NBR1: variants seen among roughly 807,000 people sequenced by gnomAD.
NBR1 encodes next to BRCA1 gene 1 protein.
Under a neutral mutation model 115.5 loss-of-function variants are expected in NBR1, and 59 were observed. The observed-to-expected ratio is 0.51, with a 90% CI of 0.41 to 0.63. The LOEUF (loss-of-function observed/expected upper bound fraction) is 0.63, where lower values mean the gene tolerates loss of function less well. Among genes scored for constraint, NBR1 ranks in the 30% least tolerant of loss-of-function variants. NBR1 has a pLI of 0.00. For synonymous variants in NBR1, 373 were observed against 414.7 expected, an observed-to-expected ratio of 0.90 and a Z score of 1.22; for missense variants, 1,043 against 1,150.5, an observed-to-expected ratio of 0.91 and a Z score of 1.35.
At chr17:43,186,566 A>G in intron 6 of NBR1, 122 bp downstream of exon 6, 1 of 883,206 alleles carries the variant, frequency 1.1e-6, no homozygotes, top group Middle Eastern at 3.6e-4. Flanking sequence ...CATGTGCAGA[A>G]TGTGCAGGTT....
intron 20 of NBR1, among the ~76,000 whole-genome samples, chr17:43,207,465 C>G (rs2057339209): frequency 6.6e-6 from 1 of 152,120 alleles, no homozygotes; most frequent in African/African-American, 2.4e-5. Context: ...TCAAGCAATC[C>G]TCTCACCTCA....
At chr17:43,202,936 T>C (rs1024723208) in intron 19 of NBR1, among the ~76,000 whole-genome samples, 1 of 152,064 alleles carries the variant, frequency 6.6e-6, no homozygotes, top group Non-Finnish European at 1.5e-5. Flanking sequence ...GGCGGGTGGA[T>C]CATGAGGTCA....
chr17:43,203,647 T>G (rs767475937), intron 19 of NBR1, 34 bp from the exon 20 acceptor site: 13 of 1,333,006 alleles, frequency 9.8e-6, no homozygotes, highest in Non-Finnish European at 1.2e-5. Flanking sequence ...TGATTTGTGT[T>G]TGTTTGGGGA....
In NBR1 at chr17:43,200,258, G is replaced by GGAT. The variant is rs1567863976; in HGVS notation, c.2121_2123dup (p.Asp707dup). On this transcript the variant is annotated inframe_insertion, in exon 17 of 21. Transcript: ENST00000590996. Reference sequence around the variant, plus strand: ...AAGAAGCTGTCATGGAGGAGGAGGAGGATGAGGAGGATGAGGAGGAGGAGG... The same window carrying GGAT: ...AAGAAGCTGTCATGGAGGAGGAGGAGGATGATGAGGAGGATGAGGAGGAGGAGG... 1.7e-5 allele frequency: 26 copies of GGAT among 1,548,056 alleles called. No homozygotes were observed. The Admixed American group carries it at 4.9e-4, about 29-fold the overall frequency.
chr17:43,185,850 A>C (rs1234855651), intron 5 of NBR1, among the ~76,000 whole-genome samples: 1 of 152,092 alleles, frequency 6.6e-6, no homozygotes, highest in East Asian at 1.9e-4. Flanking sequence ...TACAAAAATT[A>C]GCTGGGTGTG....
chr17:43,206,665 A>C (rs1467861246), intron 20 of NBR1, among the ~76,000 whole-genome samples: 1 of 151,572 alleles, frequency 6.6e-6, no homozygotes, highest in African/African-American at 2.4e-5. Context: ...AAAAAAAAAA[A>C]AAGGAAATCC....
At chr17:43,186,176 T>C in intron 5 of NBR1, 74 bp from the exon 6 acceptor site, 8 of 1,310,122 alleles carry the variant, frequency 6.1e-6, no homozygotes, top group South Asian at 5.4e-5. Context: ...CTCTTCTGTT[T>C]TGATGTCTTT....
At chr17:43,171,504 T>C (rs1019853787) in intron 1 of NBR1, among the ~76,000 whole-genome samples, 4 of 151,762 alleles carry the variant, frequency 2.6e-5, no homozygotes, top group African/African-American at 7.3e-5. Flanking sequence ...AGTTGGAGAG[T>C]CTGTGGGTCA....
intron 14 of NBR1, chr17:43,196,177 G>A (rs1274961556): frequency 1.4e-5 from 3 of 219,990 alleles, no homozygotes; most frequent in African/African-American, 7.0e-5. Context: ...CACTATAAAG[G>A]AATCCTCTTC....
In NBR1 at chr17:43,210,222, A is replaced by G. The variant is rs1475802824; in HGVS notation, c.*148A>G. 2 of 637,680 alleles carry G rather than the reference A, an allele frequency of 3.1e-6. No homozygotes were observed. The highest frequency in any genetic ancestry group is 1.9e-5 in the African/African-American group (1 of 52,780). 39.5% of individuals were successfully genotyped at this position (637,680 alleles called of 1,614,324 possible). On this transcript the variant is annotated 3_prime_UTR_variant, in exon 21 of 21. Transcript: ENST00000590996. ...GAGTTACCAAGACAATACCTGCTAC[A>G]GTATTTTGGGGAGCAAACTAAAGAC...
chr17:43,181,618 A>G (rs2056666870), intron 5 of NBR1, among the ~76,000 whole-genome samples: 1 of 152,070 alleles, frequency 6.6e-6, no homozygotes, highest in South Asian at 2.1e-4. Context: ...GTGAGCCGAG[A>G]TCGTGCCACT....
chr17:43,211,445 T>G lies in NBR1; in HGVS notation c.*1371T>G, dbSNP rs2057413980. On this transcript the variant is annotated 3_prime_UTR_variant, in exon 21 of 21. Coordinates refer to ENST00000590996, the MANE Select transcript of NBR1 (RefSeq NM_005899.5). ...TTACAGTATAACTCCTGAATGCTAC[T>G]TAAATAAACCAGGATTCAAACTGCA... 6.6e-6 allele frequency: 1 copy of G among 152,666 alleles called. No individual in the cohort carries two copies. The highest frequency in any genetic ancestry group is 6.5e-5 in the Admixed American group (1 of 15,290). 9.5% of individuals were successfully genotyped at this position (152,666 alleles called of 1,614,324 possible).
chr17:43,185,030 A>G (rs2056766576), intron 5 of NBR1, among the ~76,000 whole-genome samples: 1 of 151,468 alleles, frequency 6.6e-6, no homozygotes, highest in African/African-American at 2.4e-5. Flanking sequence ...TGGAGTTTGC[A>G]GTGAGCCGAG....
chr17:43,202,171 C>T (rs1359982286), intron 18 of NBR1, among the ~76,000 whole-genome samples: 2 of 112,328 alleles, frequency 1.8e-5, no homozygotes, highest in African/African-American at 2.9e-5. Flanking sequence ...CAGTGCGAGA[C>T]TCCGTCTGAA....
At chr17:43,198,875 A>G (rs999584817) in intron 16 of NBR1, among the ~76,000 whole-genome samples, 4 of 152,024 alleles carry the variant, frequency 2.6e-5, no homozygotes, top group Non-Finnish European at 4.4e-5. Flanking sequence ...AGGCAGGAGA[A>G]TGGCGTGAAC....
At chr17:43,185,745 T>G (rs983023600) in intron 5 of NBR1, among the ~76,000 whole-genome samples, 5 of 151,880 alleles carry the variant, frequency 3.3e-5, no homozygotes, top group Non-Finnish European at 7.4e-5. Context: ...GCCTGTAATC[T>G]CAGCACTTTG....
Position 43,193,181 on chromosome 17 carries a change from G to A in NBR1, c.1161G>A (p.Gln387=). 6 of 1,613,950 alleles carry A rather than the reference G, an allele frequency of 3.7e-6. No individual in the cohort carries two copies. Among genetic ancestry groups the A allele is most frequent in the Non-Finnish European group, 5.1e-6 (6 of 1,179,888 alleles). ...DENLPDGTHL[Q]PGTKFIKHWR... is the part of the protein sequence containing the mutation. ...ATTTGCCTGATGGGACTCACCTTCA[G>A]CCAGGAACCAAGTTTATCAAACACT... Residue 387 remains glutamine (Q), a synonymous_variant, in exon 11 of 21, where the codon CAG becomes CAA. Coordinates refer to ENST00000590996, the MANE Select transcript of NBR1 (RefSeq NM_005899.5).
At position 43,200,313 on chromosome 17, in the gene NBR1, T is replaced by G; in HGVS notation, c.2173T>G (p.Ser725Ala). ...GCTCAAAGATGAAGTTCAAAGTCAG[T>G]CCTCTGCTTCCTCAGAGGATTACAT... ...DELKDEVQSQ[S>A]SASSEDYIII... Residue 725 changes from serine to alanine, a missense_variant, in exon 17 of 21, where the codon TCC (serine) becomes GCC (alanine). Coordinates refer to ENST00000590996, the MANE Select transcript of NBR1 (RefSeq NM_005899.5). The G allele has an allele frequency of 1.3e-6, 2 of 1,552,200 alleles. No individual in the cohort carries two copies. Among genetic ancestry groups the G allele is most frequent in the Non-Finnish European group, 1.7e-6 (2 of 1,147,202 alleles).
Position 43,183,283 on chromosome 17 carries a change from C to T in NBR1, c.207+2466C>T, listed in dbSNP as rs867736093. Among the ~76,000 whole-genome samples, 7 of 151,692 alleles carry T rather than the reference C, an allele frequency of 4.6e-5. No homozygotes were observed. In the South Asian group the frequency reaches 6.2e-4, roughly 13 times the overall value. Reference sequence around the variant, plus strand: ...GTTGCCAGGCTGGAGTGCAGTGGCGCGACCTTGGCTCACTGTAACCTCCAC... The same window carrying T: ...GTTGCCAGGCTGGAGTGCAGTGGCGTGACCTTGGCTCACTGTAACCTCCAC... On this transcript the variant is annotated intron_variant, in intron 5 of 20. Transcript: ENST00000590996.
Sources: gnomAD v4.1 joint callset for allele counts (sites outside exome capture counted in the v4.1 genomes callset) on GRCh38, gnomAD v4.1.1 for gene constraint, MANE v1.5 for transcripts, NCBI Gene and HGNC (gene_info 2026-07-23, HGNC 2026-07-21) for gene names.